Variants in GABBR2 observed in about 807,000 individuals in gnomAD.
GABBR2 encodes the protein gamma-aminobutyric acid type B receptor subunit 2, also known as G-protein coupled receptor 51.
GABBR2 carries 23 observed loss-of-function variants against 105.6 expected under a neutral mutation model. The observed-to-expected ratio is 0.22, with a 90% confidence interval of 0.16 to 0.31. GABBR2 has a LOEUF of 0.31. GABBR2 is among the 10% of genes least tolerant of loss of function. GABBR2 has a pLI of 1.00. For missense variants in GABBR2, 734 were observed against 1,245.5 expected (o/e 0.59, Z 6.18); for synonymous variants, 478 against 499.7 (o/e 0.96, Z 0.58).
rs904124377 is a variant in GABBR2 at position 98,306,424 on chromosome 9, G to A, written c.2005-79C>T. The A allele has an allele frequency of 2.2e-6, 2 of 893,912 alleles. No individual in the cohort carries two copies. The highest frequency in any genetic ancestry group is 3.6e-6 in the Non-Finnish European group (2 of 552,594). The allele number at this position is 893,912 out of a possible 1,614,324, so 55.4% of individuals were successfully genotyped here. A position where few individuals can be genotyped will look rare whatever the true frequency, so the allele number is the denominator to read the frequency against. On this transcript the variant is annotated intron_variant, in intron 14 of 18. Transcript: ENST00000259455. This position sits in a 1 kb window ranked among gnomAD's most constrained non-coding sequence, Gnocchi z 5.4. The stretch of plus-strand genomic sequence containing the variant: ...ACAGGCTGCTCTGAGAAGCTGTGGA[G>A]TGGAGGGTTACTCAGGAGGTGGGCT...
At chr9:98,533,193 T>C (rs549027682) in intron 3 of GABBR2, among the ~76,000 whole-genome samples, 1 of 152,062 alleles carries the variant, frequency 6.6e-6, no homozygotes, top group Non-Finnish European at 1.5e-5. Flanking sequence ...GGGCCTCGGG[T>C]CAACTCCTTT....
Position 98,289,994 on chromosome 9 carries a change from C to T in GABBR2, c.*590G>A, listed in dbSNP as rs1830266100. The T allele has an allele frequency of 1.3e-5, 2 of 152,388 alleles. No individual in the cohort carries two copies. The highest frequency in any genetic ancestry group is 1.3e-4 in the Admixed American group (2 of 15,294). 9.4% of individuals were successfully genotyped at this position (152,388 alleles called of 1,614,324 possible). ...GTCAGCCTGCTCCAGTGCCGCAGCCCTCGGCCTGCCTGCTCCAGGGCTGTG... is the reference window on the plus strand; with the variant it reads ...GTCAGCCTGCTCCAGTGCCGCAGCCTTCGGCCTGCCTGCTCCAGGGCTGTG... On this transcript the variant is annotated 3_prime_UTR_variant, in exon 19 of 19. Transcript: ENST00000259455.
At chr9:98,303,567 T>A in intron 15 of GABBR2, 144 bp from the exon 16 acceptor site, 1 of 708,242 alleles carries the variant, frequency 1.4e-6, no homozygotes, top group Non-Finnish European at 2.4e-6. Context: ...TCAGGAGACC[T>A]AGGCTCAGGC....
At chr9:98,565,808 A>G (rs1331792027) in intron 2 of GABBR2, among the ~76,000 whole-genome samples, 1 of 152,154 alleles carries the variant, frequency 6.6e-6, no homozygotes, top group Admixed American at 6.5e-5. Context: ...ACCCCAGCCT[A>G]TCTGCCCAAG....
intron 3 of GABBR2, among the ~76,000 whole-genome samples, chr9:98,529,459 C>T (rs182750846): frequency 6.6e-6 from 1 of 152,318 alleles, no homozygotes; most frequent in East Asian, 1.9e-4. Flanking sequence ...TTTATTTACA[C>T]ACATTCATTT....
At position 98,306,494 on chromosome 9, in the gene GABBR2, G is replaced by A. The variant is rs368481441; in HGVS notation, c.2005-149C>T. On this transcript the variant is annotated intron_variant, in intron 14 of 18. Coordinates refer to ENST00000259455, the MANE Select transcript of GABBR2 (RefSeq NM_005458.8). The surrounding 1 kb of genome is among the most constrained non-coding windows in gnomAD (Gnocchi z 5.4). ...GGCCTTGCTGTCAGCCGGGTCTTCT[G>A]GATGTCACCATCTGTCCCCACTTGT... The A allele has an allele frequency of 6.9e-5, 45 of 649,598 alleles. No homozygotes were observed. In the East Asian group the frequency reaches 7.9e-4, roughly 11 times the overall value. 40.2% of individuals were successfully genotyped at this position (649,598 alleles called of 1,614,324 possible).
rs376229259 is a variant in GABBR2, at chr9:98,496,522, C to T, written c.631-8G>A. Reference sequence around the variant, plus strand: ...AGTCAGGTCATTCCGCACCTGTCAGCAAAGAGAAAGCAGAGGGTGGGTGTG... The same window carrying T: ...AGTCAGGTCATTCCGCACCTGTCAGTAAAGAGAAAGCAGAGGGTGGGTGTG... On this transcript the variant is annotated splice_region_variant and splice_polypyrimidine_tract_variant and intron_variant, in intron 3 of 18. Coordinates refer to ENST00000259455, the MANE Select transcript of GABBR2 (RefSeq NM_005458.8). 26 of 1,595,290 alleles carry T rather than the reference C, an allele frequency of 1.6e-5. No homozygotes were observed. The African/African-American group carries it at 3.3e-4, about 21-fold the overall frequency.
chr9:98,579,075 A>C (rs890075352), intron 1 of GABBR2, among the ~76,000 whole-genome samples: 1 of 152,202 alleles, frequency 6.6e-6, no homozygotes, highest in Non-Finnish European at 1.5e-5. Flanking sequence ...ACTTAATGCC[A>C]CTGAACTGTA....
intron 7 of GABBR2, among the ~76,000 whole-genome samples, chr9:98,410,766 T>C (rs1211085111): frequency 6.6e-6 from 1 of 152,128 alleles, no homozygotes; most frequent in African/African-American, 2.4e-5. Flanking sequence ...GTCATTTTTA[T>C]AAATTCCCTG....
intron 1 of GABBR2, among the ~76,000 whole-genome samples, chr9:98,632,936 T>A (rs528301335): frequency 1.9e-4 from 29 of 152,214 alleles, no homozygotes; most frequent in Non-Finnish European, 3.7e-4. Context: ...CAGTGAGCTC[T>A]GGAGAGCCTC....
At chr9:98,354,452 T>C (rs1421659568) in intron 13 of GABBR2, among the ~76,000 whole-genome samples, 1 of 152,254 alleles carries the variant, frequency 6.6e-6, no homozygotes, top group Non-Finnish European at 1.5e-5. Flanking sequence ...CATAAGCCTG[T>C]TTCATCTCCA....
intron 13 of GABBR2, among the ~76,000 whole-genome samples, chr9:98,344,835 C>T (rs1207127170): frequency 6.6e-6 from 1 of 152,174 alleles, no homozygotes; most frequent in Non-Finnish European, 1.5e-5. Flanking sequence ...TGCTAACTAG[C>T]TGCTTCCCCA....
At chr9:98,376,427 A>G (rs758775154) in intron 11 of GABBR2, among the ~76,000 whole-genome samples, 2 of 152,186 alleles carry the variant, frequency 1.3e-5, no homozygotes, top group Non-Finnish European at 2.9e-5. Context: ...CTGGCTGGAC[A>G]CAGGGGCAAG....
intron 6 of GABBR2, among the ~76,000 whole-genome samples, chr9:98,465,670 CTT>C: frequency 6.6e-6 from 1 of 152,350 alleles, no homozygotes; most frequent in South Asian, 2.1e-4. Flanking sequence ...AACATCAAAA[CTT>C]TACAGATGAC....
intron 1 of GABBR2, among the ~76,000 whole-genome samples, chr9:98,625,673 C>A (rs772718195): frequency 1.3e-5 from 2 of 152,202 alleles, no homozygotes; most frequent in Non-Finnish European, 2.9e-5. Context: ...AGGACTCACA[C>A]ACAGCTATGA....
At position 98,310,580 on chromosome 9, in the gene GABBR2, A is replaced by G. The variant is rs114693176; in HGVS notation, c.2004+515T>C. ...TGATTTCAAAAGATGAGTAAAGTGG[A>G]AAGAGTGCTGGGTTTGCAGTTTGGA... On this transcript the variant is annotated intron_variant, in intron 14 of 18. Coordinates refer to ENST00000259455, the MANE Select transcript of GABBR2 (RefSeq NM_005458.8). 6.5e-3 allele frequency among the ~76,000 whole-genome samples: 993 copies of G among 152,274 alleles called. 10 individuals are homozygous for G. Among genetic ancestry groups the G allele is most frequent in the African/African-American group, 0.02 (818 of 41,570 alleles).
chr9:98,516,733 C>G, intron 3 of GABBR2, among the ~76,000 whole-genome samples: 1 of 152,164 alleles, frequency 6.6e-6, no homozygotes, highest in Non-Finnish European at 1.5e-5. Flanking sequence ...CAGCACAAGG[C>G]TTGGCACAGA....
intron 1 of GABBR2, among the ~76,000 whole-genome samples, chr9:98,618,601 G>C (rs765176123): frequency 6.8e-6 from 1 of 147,302 alleles, no homozygotes; most frequent in African/African-American, 2.5e-5. Flanking sequence ...TCTGTCACTG[G>C]GTATGCTTCT....
At chr9:98,414,179 A>AG (rs529111660) in intron 7 of GABBR2, among the ~76,000 whole-genome samples, 90 of 152,334 alleles carry the variant, frequency 5.9e-4, no homozygotes, top group African/African-American at 2.0e-3. Flanking sequence ...GGAAAAGAGC[A>AG]GGGCTCCAAA....
Sources: gnomAD v4.1 joint callset for allele counts (sites outside exome capture counted in the v4.1 genomes callset) on GRCh38, gnomAD v4.1.1 for gene constraint, Gnocchi (gnomAD v3.1) non-coding constraint, MANE v1.5 for transcripts, NCBI Gene and HGNC (gene_info 2026-07-23, HGNC 2026-07-21) for gene names.